Variants in TAFA4 observed in about 807,000 individuals in gnomAD.
TAFA4 encodes the protein chemokine-like protein TAFA-4.
Under a neutral mutation model 21.1 loss-of-function variants are expected in TAFA4, and 20 were observed. The ratio of observed to expected loss-of-function variants is 0.95; its 90% confidence interval spans 0.67 to 1.38. The LOEUF is 1.38. Among genes scored for constraint, TAFA4 ranks in the 40% most tolerant of loss-of-function variants. The probability of loss-of-function intolerance (pLI) is 0.00; values close to 1 mark genes in which losing one functional copy is unlikely to be tolerated. For synonymous variants in TAFA4, 71 were observed against 67.4 expected (o/e 1.05, Z -0.26); for missense variants, 211 against 180.9 (o/e 1.17, Z -0.95).
At chr3:68,811,068 G>C (rs576922100) in intron 3 of TAFA4, among the ~76,000 whole-genome samples, 26 of 152,280 alleles carry the variant, frequency 1.7e-4, no homozygotes, top group African/African-American at 6.3e-4. Context: ...ACAGGGTCTG[G>C]AGTGGACCTC....
intron 3 of TAFA4, among the ~76,000 whole-genome samples, chr3:68,769,736 A>C (rs1702918859): frequency 6.6e-6 from 1 of 152,178 alleles, no homozygotes; most frequent in South Asian, 2.1e-4. Flanking sequence ...CCCAAAAACA[A>C]ATGCAGAAAT....
chr3:68,732,332 T>G lies in TAFA4; in HGVS notation c.*810A>C, dbSNP rs1055066814. 1 of 152,598 alleles carries G rather than the reference T, an allele frequency of 6.6e-6. No individual in the cohort carries two copies. The highest frequency in any genetic ancestry group is 1.5e-5 in the Non-Finnish European group (1 of 68,026). The allele number at this position is 152,598 out of a possible 1,614,324, so 9.5% of individuals were successfully genotyped here. A position where few individuals can be genotyped will look rare whatever the true frequency, so the allele number is the denominator to read the frequency against. ...TCTAAGAAATAACCCTTGATCTAAATTGAGATTGTTTTATATTTTAAATGA... is the reference window on the plus strand; with the variant it reads ...TCTAAGAAATAACCCTTGATCTAAAGTGAGATTGTTTTATATTTTAAATGA... On this transcript the variant is annotated 3_prime_UTR_variant, in exon 6 of 6. Coordinates refer to ENST00000295569, the MANE Select transcript of TAFA4 (RefSeq NM_182522.5).
At chr3:68,808,477 A>C (rs1463380473) in intron 3 of TAFA4, among the ~76,000 whole-genome samples, 2 of 152,202 alleles carry the variant, frequency 1.3e-5, no homozygotes, top group East Asian at 3.8e-4. Context: ...CTACCTTAAA[A>C]AAATAATCTA....
chr3:68,840,234 G>T (rs930311491), intron 3 of TAFA4, among the ~76,000 whole-genome samples: 1 of 152,158 alleles, frequency 6.6e-6, no homozygotes, highest in South Asian at 2.1e-4. Flanking sequence ...TTATGACAAG[G>T]TCTCACATTG....
At chr3:68,834,574 A>G (rs1704477946) in intron 3 of TAFA4, among the ~76,000 whole-genome samples, 1 of 152,106 alleles carries the variant, frequency 6.6e-6, no homozygotes, top group African/African-American at 2.4e-5. Context: ...TTGGATAGCT[A>G]ATATGCATTT....
intron 3 of TAFA4, among the ~76,000 whole-genome samples, chr3:68,844,522 G>T (rs1484918753): frequency 6.6e-6 from 1 of 150,956 alleles, no homozygotes; most frequent in Non-Finnish European, 1.5e-5. Context: ...ATCTCCTTCA[G>T]TTCTGCTCTG....
intron 3 of TAFA4, among the ~76,000 whole-genome samples, chr3:68,859,935 T>C (rs1176612549): frequency 6.6e-6 from 1 of 152,168 alleles, no homozygotes; most frequent in Non-Finnish European, 1.5e-5. Flanking sequence ...TGCAAGATAG[T>C]TCAACTCTCA....
chr3:68,890,700 C>A (rs1270219251), intron 1 of TAFA4, among the ~76,000 whole-genome samples: 1 of 152,148 alleles, frequency 6.6e-6, no homozygotes, highest in Admixed American at 6.5e-5. Flanking sequence ...TACCAAGGTA[C>A]CTACAGTTTC....
intron 3 of TAFA4, among the ~76,000 whole-genome samples, chr3:68,758,402 C>A (rs938352283): frequency 1.3e-5 from 2 of 152,120 alleles, no homozygotes; most frequent in Non-Finnish European, 2.9e-5. Flanking sequence ...ATGTCTTTCC[C>A]ATGCTGTTCT....
At chr3:68,916,671 C>G (rs202219059) in intron 1 of TAFA4, among the ~76,000 whole-genome samples, 1 of 152,152 alleles carries the variant, frequency 6.6e-6, no homozygotes, top group African/African-American at 2.4e-5. Context: ...AGTGGTAGAA[C>G]GGTCAAGGCA....
chr3:68,862,883 T>C (rs1038497137), intron 3 of TAFA4, among the ~76,000 whole-genome samples: 4 of 103,032 alleles, frequency 3.9e-5, no homozygotes, highest in Non-Finnish European at 6.1e-5. Context: ...ACACACACAA[T>C]CATTTTGCTG....
intron 3 of TAFA4, among the ~76,000 whole-genome samples, chr3:68,855,794 TTC>T (rs1705056268): frequency 6.6e-6 from 1 of 151,996 alleles, no homozygotes; most frequent in South Asian, 2.1e-4. Context: ...ACATGATTCA[TTC>T]CAAAGTGGTC....
At chr3:68,786,462 G>T (rs1024074288) in intron 3 of TAFA4, among the ~76,000 whole-genome samples, 11 of 152,156 alleles carry the variant, frequency 7.2e-5, no homozygotes, top group African/African-American at 1.7e-4. Flanking sequence ...CTGCATTCCA[G>T]ACTGGGCAAC....
chr3:68,838,619 T>C (rs953808683), intron 3 of TAFA4, among the ~76,000 whole-genome samples: 5 of 152,212 alleles, frequency 3.3e-5, no homozygotes, highest in African/African-American at 1.2e-4. Flanking sequence ...GGGCCATGTA[T>C]AGTTTTTGTC....
At chr3:68,747,944 C>G (rs995837388) in intron 4 of TAFA4, among the ~76,000 whole-genome samples, 5 of 152,174 alleles carry the variant, frequency 3.3e-5, no homozygotes, top group Non-Finnish European at 1.5e-5. Context: ...GTTAGCCCCA[C>G]TCACTCTCAT....
At chr3:68,812,103 C>A (rs968231038) in intron 3 of TAFA4, among the ~76,000 whole-genome samples, 5 of 152,120 alleles carry the variant, frequency 3.3e-5, no homozygotes, top group Admixed American at 6.5e-5. Context: ...GAAATGAAAT[C>A]CTTTACAGAT....
chr3:68,883,480 A>C (rs1171955810), intron 2 of TAFA4, among the ~76,000 whole-genome samples: 2 of 152,210 alleles, frequency 1.3e-5, no homozygotes, highest in East Asian at 3.8e-4. Context: ...AAATCCCTTC[A>C]TCTATGCCTT....
chr3:68,832,632 A>T (rs536869162), intron 3 of TAFA4, among the ~76,000 whole-genome samples: 143 of 152,346 alleles, frequency 9.4e-4, no homozygotes, highest in African/African-American at 3.3e-3. Context: ...GTCAGGCTAC[A>T]TGGGGGTCAG....
At chr3:68,842,008 C>T (rs545972920) in intron 3 of TAFA4, among the ~76,000 whole-genome samples, 5 of 152,224 alleles carry the variant, frequency 3.3e-5, no homozygotes, top group East Asian at 3.9e-4. Flanking sequence ...AAGAAACATA[C>T]GTGTGCATGT....
Sources: allele counts gnomAD v4.1 joint callset (sites outside exome capture counted in the v4.1 genomes callset), GRCh38; gene constraint gnomAD v4.1.1; transcripts MANE v1.5; gene names NCBI Gene and HGNC (gene_info 2026-07-23, HGNC 2026-07-21).